Variants in CTNNA3 observed in about 807,000 individuals in gnomAD.
CTNNA3 encodes catenin alpha-3.
CTNNA3 carries 76 observed loss-of-function variants against 95.7 expected under a neutral mutation model. That is an observed-to-expected ratio of 0.79 (90% confidence interval 0.66 to 0.96). The LOEUF (loss-of-function observed/expected upper bound fraction) is 0.96, where lower values mean the gene tolerates loss of function less well. CTNNA3 is among the 40% of genes least tolerant of loss of function. The pLI, the probability that CTNNA3 is intolerant of heterozygous loss-of-function variation, is 0.00. For missense variants in CTNNA3, 1,191 were observed against 1,089.8 expected (o/e 1.09, Z -1.31); for synonymous variants, 431 against 374.4 (o/e 1.15, Z -1.74).
chr10:67,305,364 TAAAAAAAAAAAATTA>T (rs1337672104), intron 5 of CTNNA3, among the ~76,000 whole-genome samples: 2 of 115,998 alleles, frequency 1.7e-5, no homozygotes, highest in East Asian at 5.7e-4. Context: ...TAGAGTATAA[TAAAAAAAAAAAATTA>T]AAAAAAAAAA....
Position 66,532,397 on chromosome 10 carries a change from G to A in CTNNA3, c.1375-11624C>T, listed in dbSNP as rs534256507. Reference sequence around the variant, plus strand: ...GAATGGCATGAACCTGGGAGGCGGAGCTTGCAGTGAGCTGAGATCGCGCCA... The same window carrying A: ...GAATGGCATGAACCTGGGAGGCGGAACTTGCAGTGAGCTGAGATCGCGCCA... On this transcript the variant is annotated intron_variant, in intron 10 of 17. Coordinates refer to ENST00000433211, the MANE Select transcript of CTNNA3 (RefSeq NM_013266.4). Among the ~76,000 whole-genome samples, 3 of 151,904 alleles carry A rather than the reference G, an allele frequency of 2.0e-5. No homozygotes were observed. In the South Asian group the frequency reaches 6.2e-4, roughly 32 times the overall value.
At chr10:67,701,590 C>T (rs1841039848) in intron 1 of CTNNA3, among the ~76,000 whole-genome samples, 1 of 152,142 alleles carries the variant, frequency 6.6e-6, no homozygotes, top group African/African-American at 2.4e-5. Flanking sequence ...GATTTTGTCA[C>T]CAACAGGCCT....
intron 7 of CTNNA3, among the ~76,000 whole-genome samples, chr10:66,905,141 A>G (rs1439335569): frequency 6.6e-6 from 1 of 152,194 alleles, no homozygotes; most frequent in Non-Finnish European, 1.5e-5. Context: ...TCAATAATAG[A>G]TTGGATTAAG....
chr10:66,517,080 G>A (rs1840887163), intron 11 of CTNNA3, among the ~76,000 whole-genome samples: 1 of 152,082 alleles, frequency 6.6e-6, no homozygotes, highest in African/African-American at 2.4e-5. Context: ...AAATTAGCCA[G>A]GTGTGGTGGC....
Position 66,572,572 on chromosome 10 carries a change from A to C in CTNNA3, c.1374+49120T>G, listed in dbSNP as rs988148245. Among the ~76,000 whole-genome samples, 59 of 151,776 alleles carry C rather than the reference A, an allele frequency of 3.9e-4. 1 individual carries two copies. The highest frequency in any genetic ancestry group is 1.3e-3 in the African/African-American group (54 of 41,180). ...TGCATTTAGGCCAGGACTCAAAAAAAAAAACAAAACATGAAATAAACCAAA... is the reference window on the plus strand; with the variant it reads ...TGCATTTAGGCCAGGACTCAAAAAACAAAACAAAACATGAAATAAACCAAA... On this transcript the variant is annotated intron_variant, in intron 10 of 17. Coordinates refer to ENST00000433211, the MANE Select transcript of CTNNA3 (RefSeq NM_013266.4).
At chr10:67,739,309 C>A (rs1018420954) in intron 1 of CTNNA3, among the ~76,000 whole-genome samples, 15 of 152,132 alleles carry the variant, frequency 9.9e-5, no homozygotes, top group Admixed American at 7.2e-4. Flanking sequence ...TTTACCAGGG[C>A]AATTAGGCAG....
Position 67,542,146 on chromosome 10 carries a change from C to T in CTNNA3, c.293-2477G>A, listed in dbSNP as rs375036257. Among the ~76,000 whole-genome samples the T allele has an allele frequency of 1.8e-4, 27 of 152,192 alleles. No homozygotes were observed. In the South Asian group the frequency reaches 5.6e-3, roughly 32 times the overall value. On this transcript the variant is annotated intron_variant, in intron 3 of 17. Coordinates refer to ENST00000433211, the MANE Select transcript of CTNNA3 (RefSeq NM_013266.4). ...AAATACATTAATAAAGATGCTACAA[C>T]TTAAATTCTTATTGCTGGACTTATC...
At chr10:66,060,146 A>G (rs76153233) in intron 15 of CTNNA3, among the ~76,000 whole-genome samples, 124 of 152,174 alleles carry the variant, frequency 8.1e-4, no homozygotes, top group African/African-American at 2.9e-3. Flanking sequence ...TTCTGCTCAC[A>G]TCAGGGAAGG....
chr10:66,209,168 C>T (rs1388775469), intron 13 of CTNNA3, among the ~76,000 whole-genome samples: 1 of 152,092 alleles, frequency 6.6e-6, no homozygotes, highest in Non-Finnish European at 1.5e-5. Context: ...AAAGTAATAA[C>T]ATCATTTCTG....
chr10:66,910,620 G>C (rs1394158001), intron 7 of CTNNA3, among the ~76,000 whole-genome samples: 1 of 152,202 alleles, frequency 6.6e-6, no homozygotes, highest in African/African-American at 2.4e-5. Context: ...AGGCATTGAA[G>C]ATAACATGTA....
rs1368099669 is a variant in CTNNA3, at chr10:67,607,103, G to A, written c.100-54C>T. ...ATTGACAAATTGTAAGGAGAACACA[G>A]TCCTGGGATATTACAGACCAGAACA... is the stretch of plus-strand genomic sequence containing the variant. On this transcript the variant is annotated intron_variant, in intron 2 of 17. Transcript: ENST00000433211. The A allele has an allele frequency of 2.2e-6, 3 of 1,379,972 alleles. No homozygotes were observed. In the East Asian group the frequency reaches 6.9e-5, roughly 32 times the overall value. 85.5% of individuals were successfully genotyped at this position (1,379,972 alleles called of 1,614,324 possible).
intron 7 of CTNNA3, among the ~76,000 whole-genome samples, chr10:66,901,563 T>C (rs1490364704): frequency 6.6e-6 from 1 of 152,162 alleles, no homozygotes; most frequent in Non-Finnish European, 1.5e-5. Flanking sequence ...AATGCCCTAA[T>C]TAAAAGACAC....
At chr10:67,051,684 G>C (rs1478044092) in intron 7 of CTNNA3, among the ~76,000 whole-genome samples, 1 of 151,616 alleles carries the variant, frequency 6.6e-6, no homozygotes, top group African/African-American at 2.4e-5. Context: ...GATTACAGGC[G>C]TGAGCCACTG....
At chr10:67,170,740 A>T (rs929759097) in intron 7 of CTNNA3, among the ~76,000 whole-genome samples, 66 of 152,308 alleles carry the variant, frequency 4.3e-4, no homozygotes, top group African/African-American at 1.6e-3. Flanking sequence ...CCTATGTAAT[A>T]AACCTTCACA....
At chr10:66,925,865 T>G in intron 7 of CTNNA3, 1 of 345,000 alleles carries the variant, frequency 2.9e-6, no homozygotes, top group Non-Finnish European at 5.8e-6. Context: ...TGCTAGTTAT[T>G]GATCACGGTG....
At chr10:66,238,003 A>G (rs4745892) in intron 13 of CTNNA3, among the ~76,000 whole-genome samples, 56,924 of 151,820 alleles carry the variant, frequency 0.37, 11,103 homozygotes, top group East Asian at 0.46. Context: ...CATAGAAACT[A>G]TGCTTATTTC....
chr10:66,243,728 G>A (rs181936917), intron 13 of CTNNA3, among the ~76,000 whole-genome samples: 5 of 152,214 alleles, frequency 3.3e-5, no homozygotes, highest in African/African-American at 1.2e-4. Flanking sequence ...AGTCATGATC[G>A]TGTCCTTAAC....
At chr10:66,233,152 T>C (rs1271600767) in intron 13 of CTNNA3, among the ~76,000 whole-genome samples, 4 of 75,672 alleles carry the variant, frequency 5.3e-5, no homozygotes, top group Non-Finnish European at 8.9e-5. Flanking sequence ...AGAGCAAGAC[T>C]CCACCTCAAA....
At chr10:67,154,113 CA>C (rs1218386036) in intron 7 of CTNNA3, among the ~76,000 whole-genome samples, 3 of 151,876 alleles carry the variant, frequency 2.0e-5, no homozygotes, top group Non-Finnish European at 4.4e-5. Flanking sequence ...AAATACATTT[CA>C]ATATTTTATT....
Sources: allele counts gnomAD v4.1 joint callset (sites outside exome capture counted in the v4.1 genomes callset), GRCh38; gene constraint gnomAD v4.1.1; transcripts MANE v1.5; gene names NCBI Gene and HGNC (gene_info 2026-07-23, HGNC 2026-07-21).